RNF213: variants seen among roughly 807,000 people sequenced by gnomAD.
The protein encoded by RNF213 is ring finger protein 213, also known as E3 ubiquitin-protein ligase RNF213.
RNF213 carries 341 observed loss-of-function variants against 514.4 expected under a neutral mutation model. The ratio of observed to expected loss-of-function variants is 0.66; its 90% confidence interval spans 0.61 to 0.73. The LOEUF (loss-of-function observed/expected upper bound fraction) is 0.73, where lower values mean the gene tolerates loss of function less well. RNF213 is among the 30% of genes least tolerant of loss of function. RNF213 has a pLI of 0.00. For synonymous variants in RNF213, 2,655 were observed against 2,658.2 expected (o/e 1.00, Z 0.04); for missense variants, 5,767 against 6,615.6 (o/e 0.87, Z 4.45).
At chr17:80,365,381 C>A (rs1277164740) in intron 42 of RNF213, 2 of 152,446 alleles carry the variant, frequency 1.3e-5, no homozygotes, top group African/African-American at 2.4e-5. Context: ...ATGAGCAGCC[C>A]AAGGCTAAGG....
At chr17:80,328,566 A>G in intron 20 of RNF213, 89 bp downstream of exon 20, 1 of 1,337,512 alleles carries the variant, frequency 7.5e-7, no homozygotes, top group Non-Finnish European at 9.9e-7. Context: ...GCAGATCTTT[A>G]TTTTGGAGAG....
At chr17:80,352,546 C>A in intron 32 of RNF213, 1 of 541,056 alleles carries the variant, frequency 1.8e-6, no homozygotes, top group Non-Finnish European at 3.3e-6. Flanking sequence ...ATTCCAGAAA[C>A]AGGAAAGTAA....
Position 80,374,836 on chromosome 17 carries a change from T to C in RNF213, c.13074+247T>C, listed in dbSNP as rs2079681217. 4 of 512,172 alleles carry C rather than the reference T, an allele frequency of 7.8e-6. No homozygotes were observed. In the East Asian group the frequency reaches 1.4e-4, roughly 19 times the overall value. 31.7% of individuals were successfully genotyped at this position (512,172 alleles called of 1,614,324 possible). On this transcript the variant is annotated intron_variant, in intron 50 of 67. Coordinates refer to ENST00000582970, the MANE Select transcript of RNF213 (RefSeq NM_001256071.3). ...ACAGATTTGCTGTGTCTTGCTGATCTGCCAAGTCCATCAGCAGCGCCTTTT... is the reference window on the plus strand; with the variant it reads ...ACAGATTTGCTGTGTCTTGCTGATCCGCCAAGTCCATCAGCAGCGCCTTTT...
chr17:80,349,545 G>C (rs991187856), intron 29 of RNF213, among the ~76,000 whole-genome samples: 1 of 152,166 alleles, frequency 6.6e-6, no homozygotes, highest in Non-Finnish European at 1.5e-5. Flanking sequence ...AGGCACCCTC[G>C]GGGCAGGGTG....
intron 9 of RNF213, 110 bp downstream of exon 9, chr17:80,295,113 G>C: frequency 7.7e-7 from 1 of 1,290,560 alleles, no homozygotes; most frequent in Non-Finnish European, 1.1e-6. Flanking sequence ...ATGGGAATGT[G>C]TAGAACTTTC....
In RNF213 at chr17:80,363,431, C is replaced by T. The variant is rs890815084; in HGVS notation, c.11568+117C>T. On this transcript the variant is annotated intron_variant, in intron 40 of 67. Transcript: ENST00000582970. ...GGGAGATTTCTTCACAAGGCACATACCTTAGCTGAATTCAGAGATGTTAAG... is the reference window on the plus strand; with the variant it reads ...GGGAGATTTCTTCACAAGGCACATATCTTAGCTGAATTCAGAGATGTTAAG... 3.3e-6 allele frequency: 4 copies of T among 1,227,674 alleles called. No individual in the cohort carries two copies. In the Admixed American group the frequency reaches 5.3e-5, roughly 16 times the overall value. 76.0% of individuals were successfully genotyped at this position (1,227,674 alleles called of 1,614,324 possible). A position where few individuals can be genotyped will look rare whatever the true frequency, so the allele number is the denominator to read the frequency against.
chr17:80,369,035 A>G (rs1178062580), intron 44 of RNF213, among the ~76,000 whole-genome samples: 1 of 152,216 alleles, frequency 6.6e-6, no homozygotes, highest in African/African-American at 2.4e-5. Flanking sequence ...ATGCATGTAA[A>G]TATCATCTGC....
In RNF213 at chr17:80,298,514, G is replaced by A. The variant is rs2045047229; in HGVS notation, c.2206G>A (p.Asp736Asn). The A allele has an allele frequency of 6.2e-7, 1 of 1,614,154 alleles. No homozygotes were observed. The highest frequency in any genetic ancestry group is 1.1e-5 in the South Asian group (1 of 91,074). Residue 736 changes from aspartate to asparagine, a missense_variant, in exon 11 of 68, where the codon GAT becomes AAT. Asp to Asn is a conservative substitution (Grantham distance 23). Coordinates refer to ENST00000582970, the MANE Select transcript of RNF213 (RefSeq NM_001256071.3). ...SFSPFREQMLDTSSLLQFMRE... is the reference protein window; with the variant it reads ...SFSPFREQMLNTSSLLQFMRE... ...CTCACCGTTCCGGGAACAAATGCTA[G>A]ATACGTAAGTCGTAGAGTTGTGCTT...
In RNF213 at chr17:80,363,101, G is replaced by GT; in HGVS notation, c.11358dup (p.Leu3787SerfsTer10). 6.2e-7 allele frequency: 1 copy of GT among 1,613,770 alleles called. No homozygotes were observed. The highest frequency in any genetic ancestry group is 8.5e-7 in the Non-Finnish European group (1 of 1,179,744). Reference sequence around the variant, plus strand: ...ATTCTAAAAGCTTTTTTGAATCCCAGTTTCTGCAGATGGCTCTGTGGTCCT... The same window carrying GT: ...ATTCTAAAAGCTTTTTTGAATCCCAGTTTTCTGCAGATGGCTCTGTGGTCCT... On this transcript the variant is annotated frameshift_variant and splice_region_variant. Coordinates refer to ENST00000582970, the MANE Select transcript of RNF213 (RefSeq NM_001256071.3). LOFTEE classifies it high-confidence loss of function.
At position 80,364,617 on chromosome 17, in the gene RNF213, ACTGACAGTGAT is replaced by A. The variant is rs1347619994; in HGVS notation, c.11871+68_11871+78del. 3.2e-5 allele frequency: 51 copies of A among 1,604,712 alleles called. No individual in the cohort carries two copies. The East Asian group carries it at 1.1e-3, about 36-fold the overall frequency. On this transcript the variant is annotated intron_variant, in intron 42 of 67. Coordinates refer to ENST00000582970, the MANE Select transcript of RNF213 (RefSeq NM_001256071.3). The stretch of plus-strand genomic sequence containing the variant: ...ACCCTTTTCCGAAAGGAAGAACAGC[ACTGACAGTGAT>A]CTGCGGCTGGGAGACGCTCTTTTGG...
Position 80,273,255 on chromosome 17 carries a change from A to T in RNF213, c.112A>T (p.Asn38Tyr). ...AAPIADSENNNSTMASASEGE... is the reference protein window; with the variant it reads ...AAPIADSENNYSTMASASEGE... ...TGCCGTTACAGATTCTGAGAACAAT[A>T]ACTCCACAATGGCGTCGGCCTCGGA... Residue 38 changes from asparagine (N) to tyrosine (Y), a missense_variant, in exon 3 of 68, where the codon AAC (asparagine) becomes TAC (tyrosine). This residue lies in a region of RNF213 where 509 missense variants were observed against 496.7 expected (regional missense o/e 1.02). Transcript: ENST00000582970. The T allele has an allele frequency of 6.2e-7, 1 of 1,613,572 alleles. No individual in the cohort carries two copies. Among genetic ancestry groups the T allele is most frequent in the Non-Finnish European group, 8.5e-7 (1 of 1,179,966 alleles).
intron 67 of RNF213, among the ~76,000 whole-genome samples, chr17:80,391,607 A>G (rs2080473756): frequency 6.6e-6 from 1 of 152,092 alleles, no homozygotes; most frequent in Non-Finnish European, 1.5e-5. Flanking sequence ...AGCTCTTTGC[A>G]TAGAACAGGG....
intron 38 of RNF213, among the ~76,000 whole-genome samples, 169 bp from the exon 39 acceptor site, chr17:80,361,565 G>C (rs1433893548): frequency 6.6e-6 from 1 of 152,184 alleles, no homozygotes; most frequent in African/African-American, 2.4e-5. Context: ...TGTCTAGACA[G>C]TGACTATTCC....
intron 3 of RNF213, chr17:80,279,053 C>A: frequency 2.8e-6 from 3 of 1,081,730 alleles, no homozygotes; most frequent in Non-Finnish European, 3.9e-6. Context: ...TCGGGTCACC[C>A]TTGGGCTGTG....
At chr17:80,340,391 C>G in intron 26 of RNF213, 35 bp downstream of exon 26, 2 of 1,560,776 alleles carry the variant, frequency 1.3e-6, no homozygotes, top group South Asian at 2.3e-5. Flanking sequence ...GGCCCCGTCT[C>G]CCAGGGACTG....
At chr17:80,295,060 C>T in intron 9 of RNF213, 57 bp downstream of exon 9, 2 of 1,604,818 alleles carry the variant, frequency 1.2e-6, no homozygotes, top group Non-Finnish European at 1.7e-6. Flanking sequence ...ACCTGACCTG[C>T]TAGTGGCCGG....
chr17:80,312,950 T>C, intron 14 of RNF213, 62 bp from the exon 15 acceptor site: 1 of 1,596,882 alleles, frequency 6.3e-7, no homozygotes, highest in Non-Finnish European at 8.6e-7. Flanking sequence ...GGGTGCAGCA[T>C]CTCGCCGGGA....
rs1293077064 is a variant in RNF213 at position 80,315,281 on chromosome 17, G to GGCGGTC, written c.2812-1906_2812-1905insCGGTCG. 1.0e-4 allele frequency among the ~76,000 whole-genome samples: 6 copies of GGCGGTC among 58,542 alleles called. 2 individuals are homozygous for GGCGGTC. Among genetic ancestry groups the GGCGGTC allele is most frequent in the African/African-American group, 7.1e-4 (6 of 8,408 alleles). 38.4% of individuals were successfully genotyped at this position (58,542 alleles called of 152,430 possible). A position where few individuals can be genotyped will look rare whatever the true frequency, so the allele number is the denominator to read the frequency against. On this transcript the variant is annotated intron_variant, in intron 15 of 67. Transcript: ENST00000582970. ...TGATGGTGGAGGTAATGGAGGTGATGGTGGTGGTGGTGGTGGAGGTAATGG... is the reference window on the plus strand; with the variant it reads ...TGATGGTGGAGGTAATGGAGGTGATGGCGGTCGTGGTGGTGGTGGTGGAGGTAATGG...
chr17:80,288,317 C>T lies in RNF213; in HGVS notation c.764C>T (p.Thr255Ile), dbSNP rs1375966564. The change falls in exon 4 of 68, where the codon ACA (threonine) becomes ATA (isoleucine). Residue 255 changes from threonine to isoleucine, a missense_variant. Thr to Ile is a moderately conservative substitution (Grantham distance 89). Coordinates refer to ENST00000582970, the MANE Select transcript of RNF213 (RefSeq NM_001256071.3). The surrounding 1 kb of genome is among the most constrained non-coding windows in gnomAD (Gnocchi z 4.9). ...ESKGGSSEPG[T>I]ELQTTEQQAG... ...AAAGGAGGCAGCTCTGAGCCCGGGA[C>T]AGAACTGCAGACCACCGAGCAACAG... 6.2e-7 allele frequency: 1 copy of T among 1,612,750 alleles called. No homozygotes were observed. The highest frequency in any genetic ancestry group is 1.7e-5 in the Admixed American group (1 of 59,998).
Sources: allele counts gnomAD v4.1 joint callset (sites outside exome capture counted in the v4.1 genomes callset), GRCh38; gene constraint gnomAD v4.1.1; regional missense constraint gnomAD v4.1.1; non-coding constraint Gnocchi (gnomAD v3.1); transcripts MANE v1.5; gene names NCBI Gene and HGNC (gene_info 2026-07-23, HGNC 2026-07-21).